Variants in ALOX15B observed in about 807,000 individuals in gnomAD.
The protein encoded by ALOX15B is polyunsaturated fatty acid lipoxygenase ALOX15B.
ALOX15B carries 74 observed loss-of-function variants against 73.8 expected under a neutral mutation model. The ratio of observed to expected loss-of-function variants is 1.00; its 90% CI spans 0.83 to 1.22. The LOEUF (loss-of-function observed/expected upper bound fraction) is 1.22, where lower values mean the gene tolerates loss of function less well. Ranked by LOEUF, ALOX15B falls within the 50% of genes most tolerant of loss-of-function variation. The probability of loss-of-function intolerance (pLI) is 0.00; values close to 1 mark genes in which losing one functional copy is unlikely to be tolerated. For missense variants in ALOX15B, 896 were observed against 859.9 expected, an observed-to-expected ratio of 1.04 and a Z score of -0.52; for synonymous variants, 353 against 357.2, an observed-to-expected ratio of 0.99 and a Z score of 0.13.
chr17:8,042,845 A>T lies in ALOX15B; in HGVS notation c.637A>T (p.Met213Leu). The T allele has an allele frequency of 6.4e-7, 1 of 1,556,804 alleles. No individual in the cohort carries two copies. Among genetic ancestry groups the T allele is most frequent in the Non-Finnish European group, 8.7e-7 (1 of 1,149,796 alleles). The change falls in exon 5 of 14, where the codon ATG becomes TTG. Residue 213 changes from methionine to leucine, a missense_variant. Coordinates refer to ENST00000380183, the MANE Select transcript of ALOX15B (RefSeq NM_001141.3). ...GGGGCTCTGGAGGAGTCTGAATGAG[A>T]TGAAAAGGATCTTCAACTTCCGGAG... is the stretch of plus-strand genomic sequence containing the variant. ...RKGLWRSLNEMKRIFNFRRTP... is the reference protein window; with the variant it reads ...RKGLWRSLNELKRIFNFRRTP...
At position 8,047,314 on chromosome 17, in the gene ALOX15B, A is replaced by G; in HGVS notation, c.1514A>G (p.Asp505Gly). 1.9e-6 allele frequency: 3 copies of G among 1,614,118 alleles called. No individual in the cohort carries two copies. Among genetic ancestry groups the G allele is most frequent in the Non-Finnish European group, 2.5e-6 (3 of 1,179,984 alleles). ...CCAAGTGATGAGTCTGTCCAAGATG[A>G]CAGAGAGCTCCAGGCCTGGGTCAGA... ...YYPSDESVQDDRELQAWVREI... is the reference protein window; with the variant it reads ...YYPSDESVQDGRELQAWVREI... Residue 505 changes from aspartate (D) to glycine (G), a missense_variant, in exon 11 of 14, where the codon GAC becomes GGC. Coordinates refer to ENST00000380183, the MANE Select transcript of ALOX15B (RefSeq NM_001141.3).
chr17:8,046,630 C>G, intron 8 of ALOX15B, 38 bp from the exon 9 acceptor site: 1 of 1,596,628 alleles, frequency 6.3e-7, no homozygotes, highest in Non-Finnish European at 8.5e-7. Context: ...CAGAACAACC[C>G]AGGCCTCCCC....
chr17:8,044,932 CT>C lies in ALOX15B; in HGVS notation c.782del (p.Phe261SerfsTer22), dbSNP rs1976564626. The C allele has an allele frequency of 2.5e-6, 4 of 1,614,066 alleles. No homozygotes were observed. Among genetic ancestry groups the C allele is most frequent in the South Asian group, 1.1e-5 (1 of 91,088 alleles). On this transcript the variant is annotated frameshift_variant, in exon 6 of 14. Coordinates refer to ENST00000380183, the MANE Select transcript of ALOX15B (RefSeq NM_001141.3). LOFTEE classifies it high-confidence loss of function. Reference protein sequence around the residue: ...IRRCHYLPKNFPVTDAMVASV... With the variant: ...IRRCHYLPKNXPVTDAMVASV... ...GCCGCTGTCACTACCTCCCAAAGAA[CT>C]TCCCCGTCACTGATGCCATGGTGGC...
intron 3 of ALOX15B, among the ~76,000 whole-genome samples, chr17:8,040,601 G>GAGAAAGAAAGAAAGAAAGAAAGAAAGAA (rs373229362): frequency 1.6e-4 from 17 of 109,520 alleles, no homozygotes; most frequent in South Asian, 3.2e-4. Context: ...AAGAAAGAGA[G>GAGAAAGAAAGAAAGAAAGAAAGAAAGAA]AGAAAGAAAG....
chr17:8,047,706 C>A (rs376935573), intron 12 of ALOX15B, 39 bp from the exon 13 acceptor site: 1 of 1,613,816 alleles, frequency 6.2e-7, no homozygotes, highest in East Asian at 2.2e-5. Context: ...CTGGAGGTGA[C>A]CCAGCTCCTC....
intron 11 of ALOX15B, 64 bp from the exon 12 acceptor site, chr17:8,047,500 C>G: frequency 6.4e-7 from 1 of 1,568,520 alleles, no homozygotes; most frequent in Non-Finnish European, 8.7e-7. Flanking sequence ...GGCTCACCCT[C>G]AAGCCTCCGC....
In ALOX15B at chr17:8,047,335, T is replaced by A. The variant is rs918827216; in HGVS notation, c.1535T>A (p.Val512Asp). Residue 512 changes from valine to aspartate, a missense_variant, in exon 11 of 14, where the codon GTC becomes GAC. Transcript: ENST00000380183. Reference sequence around the variant, plus strand: ...GATGACAGAGAGCTCCAGGCCTGGGTCAGAGAGATCTTCTCCAAGGGCTTC... The same window carrying A: ...GATGACAGAGAGCTCCAGGCCTGGGACAGAGAGATCTTCTCCAAGGGCTTC... Reference protein sequence around the residue: ...VQDDRELQAWVREIFSKGFLN... With the variant: ...VQDDRELQAWDREIFSKGFLN... 9.3e-6 allele frequency: 15 copies of A among 1,613,876 alleles called. 1 individual carries two copies. The Middle Eastern group carries it at 4.9e-4, about 53-fold the overall frequency.
chr17:8,046,593 G>A (rs1005551987), intron 8 of ALOX15B, 75 bp from the exon 9 acceptor site: 2 of 1,458,232 alleles, frequency 1.4e-6, no homozygotes, highest in South Asian at 1.2e-5. Flanking sequence ...TGCAGGGCTG[G>A]TGCCTGTGTG....
chr17:8,041,002 G>A (rs1976451198), intron 3 of ALOX15B, among the ~76,000 whole-genome samples: 4 of 152,248 alleles, frequency 2.6e-5, no homozygotes, highest in African/African-American at 9.6e-5. Context: ...GCTATCTAAA[G>A]CCTGGGCTGC....
chr17:8,041,415 A>C (rs952377112), intron 3 of ALOX15B, among the ~76,000 whole-genome samples: 1 of 152,194 alleles, frequency 6.6e-6, no homozygotes, highest in African/African-American at 2.4e-5. Context: ...CCAACACTCT[A>C]GGCTCTTATA....
intron 3 of ALOX15B, among the ~76,000 whole-genome samples, chr17:8,040,613 A>G (rs1198940245): frequency 8.1e-6 from 1 of 123,388 alleles, no homozygotes; most frequent in South Asian, 2.6e-4. Context: ...GAAAGAAAGA[A>G]AGAAAGAAAG....
At chr17:8,046,863 C>T in intron 9 of ALOX15B, 44 bp from the exon 10 acceptor site, 1 of 1,611,890 alleles carries the variant, frequency 6.2e-7, no homozygotes, top group Non-Finnish European at 8.5e-7. Flanking sequence ...CTACCTCCTG[C>T]TTCTGGAGCA....
At chr17:8,048,323 A>ATAG in intron 13 of ALOX15B, 63 bp from the exon 14 acceptor site, 1 of 1,548,988 alleles carries the variant, frequency 6.5e-7, no homozygotes. Context: ...GATAGTGGGG[A>ATAG]CCAGGAGTCT....
chr17:8,044,220 G>C (rs928073937), intron 5 of ALOX15B, among the ~76,000 whole-genome samples: 1 of 151,824 alleles, frequency 6.6e-6, no homozygotes, highest in Non-Finnish European at 1.5e-5. Flanking sequence ...CCAGGAGTTC[G>C]ACACCAGTCT....
chr17:8,041,544 G>A (rs1305902777), intron 3 of ALOX15B, among the ~76,000 whole-genome samples: 6 of 152,210 alleles, frequency 3.9e-5, no homozygotes, highest in Non-Finnish European at 7.3e-5. Context: ...GAGAGGAAGG[G>A]TTTGGCCACC....
At position 8,044,892 on chromosome 17, in the gene ALOX15B, A is replaced by G; in HGVS notation, c.740A>G (p.Asn247Ser). 1 of 1,613,870 alleles carries G rather than the reference A, an allele frequency of 6.2e-7. No homozygotes were observed. The highest frequency in any genetic ancestry group is 2.2e-5 in the East Asian group (1 of 44,868). The change falls in exon 6 of 14, where the codon AAC (asparagine) becomes AGC (serine). Residue 247 changes from asparagine (N) to serine (S), a missense_variant. Transcript: ENST00000380183. ...GCCTCCCAGTTCCTGAATGGTCTCA[A>G]CCCTGTCCTGATCCGCCGCTGTCAC... Reference protein sequence around the residue: ...FFASQFLNGLNPVLIRRCHYL... With the variant: ...FFASQFLNGLSPVLIRRCHYL...
chr17:8,046,440 A>G (rs909969187), intron 8 of ALOX15B, among the ~76,000 whole-genome samples: 1 of 152,106 alleles, frequency 6.6e-6, no homozygotes, highest in East Asian at 1.9e-4. Flanking sequence ...ACATTTGACA[A>G]AACAACCTGA....
intron 5 of ALOX15B, among the ~76,000 whole-genome samples, chr17:8,043,354 G>A (rs977609632): frequency 4.6e-5 from 7 of 152,174 alleles, no homozygotes; most frequent in African/African-American, 1.7e-4. Flanking sequence ...GATGGGCCGT[G>A]GGGGCAGAGA....
Position 8,047,820 on chromosome 17 carries a change from A to G in ALOX15B, c.1756A>G (p.Thr586Ala). The change falls in exon 13 of 14, where the codon ACA becomes GCA. Residue 586 changes from threonine (T) to alanine (A), a missense_variant. By Grantham distance (58) the Thr-to-Ala change is moderately conservative. Coordinates refer to ENST00000380183, the MANE Select transcript of ALOX15B (RefSeq NM_001141.3). ...ACCACCCACCTCCAAAGGCCTGGCA[A>G]CATGCGAGGGCTTCATAGCCACCCT... is the stretch of plus-strand genomic sequence containing the variant. ...LPPPTSKGLA[T>A]CEGFIATLPP... 1.2e-6 allele frequency: 2 copies of G among 1,614,168 alleles called. No individual in the cohort carries two copies. The highest frequency in any genetic ancestry group is 1.3e-5 in the African/African-American group (1 of 75,046).
Sources: allele counts gnomAD v4.1 joint callset (sites outside exome capture counted in the v4.1 genomes callset), GRCh38; gene constraint gnomAD v4.1.1; transcripts MANE v1.5; gene names NCBI Gene and HGNC (gene_info 2026-07-23, HGNC 2026-07-21).